ZSCAN5A: variants seen among roughly 807,000 people sequenced by gnomAD.
ZSCAN5A encodes zinc finger and SCAN domain-containing protein 5A.
In ZSCAN5A, 12 loss-of-function variants were observed where a neutral mutation model predicts 23.7. The ratio of observed to expected loss-of-function variants is 0.51; its 90% confidence interval spans 0.32 to 0.82. The LOEUF (loss-of-function observed/expected upper bound fraction) is 0.82, where lower values mean the gene tolerates loss of function less well. Among genes scored for constraint, ZSCAN5A ranks in the 40% least tolerant of loss-of-function variants. The pLI is 0.03. For synonymous variants in ZSCAN5A, 257 were observed against 239.9 expected (o/e 1.07, Z -0.66); for missense variants, 597 against 617.9 (o/e 0.97, Z 0.36).
Position 56,223,837 on chromosome 19 carries a change from G to A in ZSCAN5A, c.385-3C>T. ...TTTCCGTGGAAGGTGACCACAGACT[G>A]TAGAGAGAAAAAAGACAATCAGACT... On this transcript the variant is annotated splice_polypyrimidine_tract_variant and splice_region_variant and intron_variant, in intron 3 of 5. Coordinates refer to ENST00000683990, the MANE Select transcript of ZSCAN5A (RefSeq NM_001322064.3). 6.2e-7 allele frequency: 1 copy of A among 1,608,654 alleles called. No homozygotes were observed. Among genetic ancestry groups the A allele is most frequent in the African/African-American group, 1.3e-5 (1 of 74,892 alleles).
intron 2 of ZSCAN5A, among the ~76,000 whole-genome samples, chr19:56,248,163 TTTTTTTA>T (rs2036084446): frequency 6.6e-6 from 1 of 152,166 alleles, no homozygotes; most frequent in Non-Finnish European, 1.5e-5. Context: ...ATAAACAATT[TTTTTTTA>T]GTATCAGCTT....
chr19:56,250,060 G>A (rs1465646009), intron 2 of ZSCAN5A, among the ~76,000 whole-genome samples: 1 of 152,112 alleles, frequency 6.6e-6, no homozygotes, highest in Non-Finnish European at 1.5e-5. Flanking sequence ...GTAAACAATA[G>A]ACACACAGTA....
At chr19:56,288,819 T>C (rs1246364446) in intron 2 of ZSCAN5A, among the ~76,000 whole-genome samples, 1 of 152,214 alleles carries the variant, frequency 6.6e-6, no homozygotes, top group Non-Finnish European at 1.5e-5. Context: ...TGTTGATTTC[T>C]CTCTCTACTC....
intron 2 of ZSCAN5A, chr19:56,321,010 C>G: frequency 1.4e-6 from 1 of 704,936 alleles, no homozygotes; most frequent in South Asian, 1.5e-5. Flanking sequence ...TGTCCACTTT[C>G]CACCTGCTGT....
chr19:56,342,781 TAC>T lies in ZSCAN5A; in HGVS notation c.-358+20452_-358+20453del, dbSNP rs577705806. 4.2e-4 allele frequency: 309 copies of T among 728,376 alleles called. 2 individuals carry two copies. The highest frequency in any genetic ancestry group is 4.1e-3 in the African/African-American group (236 of 57,832). The allele number at this position is 728,376 out of a possible 1,614,324, so 45.1% of individuals were successfully genotyped here. A position where few individuals can be genotyped will look rare whatever the true frequency, so the allele number is the denominator to read the frequency against. On this transcript the variant is annotated intron_variant, in intron 2 of 6. Transcript: ENST00000587340. ...CCAACCATCCCCACATACACGGAGATACAGAGTACTGAACTGGGACCAATCAT... is the reference window on the plus strand; with the variant it reads ...CCAACCATCCCCACATACACGGAGATAGAGTACTGAACTGGGACCAATCAT...
At chr19:56,270,227 G>A (rs555212198) in intron 2 of ZSCAN5A, among the ~76,000 whole-genome samples, 6 of 151,650 alleles carry the variant, frequency 4.0e-5, no homozygotes, top group African/African-American at 1.5e-4. Context: ...AGACCAGCCT[G>A]GCCAACATGG....
intron 2 of ZSCAN5A, among the ~76,000 whole-genome samples, chr19:56,269,252 T>A (rs1243665519): frequency 6.6e-6 from 1 of 152,184 alleles, no homozygotes; most frequent in Non-Finnish European, 1.5e-5. Flanking sequence ...CAGCAATGTA[T>A]AAGAGCTCCA....
chr19:56,320,561 G>A (rs1391780655), intron 2 of ZSCAN5A: 13 of 498,962 alleles, frequency 2.6e-5, no homozygotes, highest in Admixed American at 5.6e-5. Flanking sequence ...GCAGTGAGCC[G>A]AGATCATACC....
At chr19:56,276,432 G>A (rs1445782306) in intron 2 of ZSCAN5A, among the ~76,000 whole-genome samples, 1 of 151,568 alleles carries the variant, frequency 6.6e-6, no homozygotes, top group Non-Finnish European at 1.5e-5. Context: ...TTTAACACCA[G>A]CTGGTGGTTT....
intron 2 of ZSCAN5A, chr19:56,297,460 C>T: frequency 2.2e-6 from 2 of 899,390 alleles, no homozygotes; most frequent in Non-Finnish European, 2.7e-6. Flanking sequence ...TCCTCTTCCT[C>T]CTTCTCTTCC....
At chr19:56,235,086 A>G (rs62122501) in intron 2 of ZSCAN5A, among the ~76,000 whole-genome samples, 31,759 of 86,584 alleles carry the variant, frequency 0.37, 2,793 homozygotes, top group East Asian at 0.46. Context: ...CTCCACTCCA[A>G]CCTCTGATGG....
At chr19:56,289,390 G>C (rs999168707) in intron 2 of ZSCAN5A, among the ~76,000 whole-genome samples, 4 of 152,202 alleles carry the variant, frequency 2.6e-5, no homozygotes, top group Admixed American at 6.5e-5. Context: ...GCCCTTTACA[G>C]AGGGGAGGGG....
intron 2 of ZSCAN5A, among the ~76,000 whole-genome samples, chr19:56,361,961 T>C (rs2041736218): frequency 6.6e-6 from 1 of 151,410 alleles, no homozygotes; most frequent in East Asian, 2.0e-4. Context: ...ATCGAGACCA[T>C]CCTGGCTAAC....
At chr19:56,278,172 A>G (rs570574125) in intron 2 of ZSCAN5A, among the ~76,000 whole-genome samples, 11 of 151,628 alleles carry the variant, frequency 7.3e-5, no homozygotes, top group Admixed American at 3.3e-4. Context: ...CCCAGGCTGG[A>G]ATACAGTGGC....
chr19:56,343,424 C>T (rs1027648035), intron 2 of ZSCAN5A: 41 of 512,920 alleles, frequency 8.0e-5, no homozygotes, highest in East Asian at 1.1e-4. Context: ...AGCCATGGTA[C>T]GAAAAAATCA....
intron 2 of ZSCAN5A, among the ~76,000 whole-genome samples, chr19:56,262,608 C>T (rs1246444058): frequency 1.3e-5 from 2 of 150,590 alleles, no homozygotes; most frequent in Non-Finnish European, 3.0e-5. Flanking sequence ...TTTTTTGTGT[C>T]TTTAGTAGAG....
chr19:56,340,448 C>A (rs1337765602), intron 2 of ZSCAN5A, among the ~76,000 whole-genome samples: 1 of 152,202 alleles, frequency 6.6e-6, no homozygotes, highest in East Asian at 1.9e-4. Flanking sequence ...TTTCACAATT[C>A]TCTTGATTCT....
chr19:56,299,054 A>C (rs1233045626), intron 2 of ZSCAN5A, among the ~76,000 whole-genome samples: 3 of 152,234 alleles, frequency 2.0e-5, no homozygotes, highest in Non-Finnish European at 4.4e-5. Flanking sequence ...TGGTATTCCC[A>C]CCTTATTAAC....
intron 2 of ZSCAN5A, among the ~76,000 whole-genome samples, chr19:56,230,335 C>T (rs868266706): frequency 6.7e-4 from 102 of 152,268 alleles, no homozygotes; most frequent in African/African-American, 8.9e-4. Flanking sequence ...CCACCCGCCT[C>T]GGCCTCCCAA....
Sources: allele counts gnomAD v4.1 joint callset (sites outside exome capture counted in the v4.1 genomes callset), GRCh38; gene constraint gnomAD v4.1.1; transcripts MANE v1.5; gene names NCBI Gene and HGNC (gene_info 2026-07-23, HGNC 2026-07-21).